RIMS1: variants seen among roughly 807,000 people sequenced by gnomAD.
RIMS1 encodes the protein regulating synaptic membrane exocytosis 1, also known as regulating synaptic membrane exocytosis protein 1.
RIMS1 carries 83 observed loss-of-function variants against 214.1 expected under a neutral mutation model. That is an observed-to-expected ratio of 0.39 (90% CI 0.32 to 0.47). RIMS1 has a LOEUF of 0.47. RIMS1 is among the 20% of genes least tolerant of loss of function. The pLI, the probability that RIMS1 is intolerant of heterozygous loss-of-function variation, is 0.99. For missense variants in RIMS1, 2,050 were observed against 2,161.8 expected (o/e 0.95, Z 1.03); for synonymous variants, 793 against 786.8 (o/e 1.01, Z -0.13).
At chr6:72,136,176 A>G (rs2041246098) in intron 4 of RIMS1, among the ~76,000 whole-genome samples, 1 of 152,212 alleles carries the variant, frequency 6.6e-6, no homozygotes, top group Non-Finnish European at 1.5e-5. Flanking sequence ...GGTTTAAGAA[A>G]AACAAATAGA....
chr6:72,354,419 A>G (rs955663580), intron 29 of RIMS1, among the ~76,000 whole-genome samples: 2 of 151,798 alleles, frequency 1.3e-5, no homozygotes, highest in African/African-American at 2.4e-5. Flanking sequence ...AAAGGTATAT[A>G]TATTTATGGG....
At chr6:72,262,601 G>A in intron 19 of RIMS1, 1 of 947,920 alleles carries the variant, frequency 1.1e-6, no homozygotes, top group Non-Finnish European at 1.3e-6. Flanking sequence ...GTGCATGTAT[G>A]TATATATAAT....
chr6:71,987,595 A>G (rs1800403831), intron 2 of RIMS1, among the ~76,000 whole-genome samples: 2 of 152,184 alleles, frequency 1.3e-5, no homozygotes, highest in South Asian at 4.1e-4. Context: ...CAAACACCAC[A>G]GATACCTAGG....
chr6:72,258,845 T>C (rs1186721116), intron 17 of RIMS1, 141 bp from the exon 18 acceptor site: 12 of 786,844 alleles, frequency 1.5e-5, no homozygotes, highest in South Asian at 1.3e-4. Flanking sequence ...CCTTAACTCA[T>C]TGATAAGTAG....
chr6:72,352,827 A>T (rs2097503749), intron 29 of RIMS1, among the ~76,000 whole-genome samples: 1 of 152,104 alleles, frequency 6.6e-6, no homozygotes, highest in Non-Finnish European at 1.5e-5. Context: ...GATGCTGGGG[A>T]TGGGACCCGA....
rs1407079789 is a variant in RIMS1 at position 72,182,702 on chromosome 6, A to G, written c.1231A>G (p.Lys411Glu). The change falls in exon 6 of 34, where the codon AAA becomes GAA. Residue 411 changes from lysine (K) to glutamate (E), a missense_variant. Physicochemically the swap from Lys to Glu is moderately conservative, Grantham distance 56 (BLOSUM62 1). Transcript: ENST00000521978. Reference protein sequence around the residue: ...GAALPEGKAGKRAPAAARASP... With the variant: ...GAALPEGKAGERAPAAARASP... ...GGCGCTGCCGGAGGGCAAGGCCGGC[A>G]AACGCGCGCCGGCGGCAGCCAGGGC... 5 of 1,508,956 alleles carry G rather than the reference A, an allele frequency of 3.3e-6. No homozygotes were observed. The highest frequency in any genetic ancestry group is 4.4e-6 in the Non-Finnish European group (5 of 1,134,008). The allele number at this position is 1,508,956 out of a possible 1,614,324, so 93.5% of individuals were successfully genotyped here. A position where few individuals can be genotyped will look rare whatever the true frequency, so the allele number is the denominator to read the frequency against.
chr6:72,046,277 A>G (rs1823008588), intron 2 of RIMS1, among the ~76,000 whole-genome samples: 1 of 151,906 alleles, frequency 6.6e-6, no homozygotes, highest in African/African-American at 2.4e-5. Flanking sequence ...CATATCCATC[A>G]TTGTGTGTGT....
At chr6:72,167,526 T>C (rs2046428528) in intron 4 of RIMS1, among the ~76,000 whole-genome samples, 1 of 152,172 alleles carries the variant, frequency 6.6e-6, no homozygotes, top group Non-Finnish European at 1.5e-5. Context: ...ATTCGCTCTT[T>C]AAATATGTTT....
chr6:72,269,249 C>T (rs1195050883), intron 22 of RIMS1, among the ~76,000 whole-genome samples: 1 of 152,108 alleles, frequency 6.6e-6, no homozygotes, highest in African/African-American at 2.4e-5. Flanking sequence ...CATTACCCAC[C>T]CTGTCACTTG....
At chr6:71,965,597 A>C (rs1469333282) in intron 1 of RIMS1, among the ~76,000 whole-genome samples, 1 of 152,012 alleles carries the variant, frequency 6.6e-6, no homozygotes. Flanking sequence ...CATTCATAAA[A>C]CCCAGCAGCG....
chr6:72,106,827 A>C (rs978047267), intron 4 of RIMS1, among the ~76,000 whole-genome samples: 2 of 152,174 alleles, frequency 1.3e-5, no homozygotes, highest in Admixed American at 1.3e-4. Flanking sequence ...GAGATGCTTA[A>C]ATTGTTATTA....
chr6:72,216,095 G>A (rs1156336251), intron 6 of RIMS1, among the ~76,000 whole-genome samples: 2 of 151,834 alleles, frequency 1.3e-5, no homozygotes, highest in African/African-American at 4.8e-5. Context: ...GCTGTTTCTG[G>A]GATCTGAATG....
At chr6:72,380,293 T>C (rs1389303772) in intron 29 of RIMS1, among the ~76,000 whole-genome samples, 1 of 152,128 alleles carries the variant, frequency 6.6e-6, no homozygotes, top group Non-Finnish European at 1.5e-5. Context: ...GAATACCTAA[T>C]GTAAATGATG....
chr6:71,984,336 A>G (rs1190351459), intron 2 of RIMS1, among the ~76,000 whole-genome samples: 1 of 151,924 alleles, frequency 6.6e-6, no homozygotes, highest in Non-Finnish European at 1.5e-5. Flanking sequence ...TGTTAAGAGG[A>G]TGATCTTTGA....
At chr6:72,376,738 C>A (rs1394284923) in intron 29 of RIMS1, among the ~76,000 whole-genome samples, 3 of 143,752 alleles carry the variant, frequency 2.1e-5, no homozygotes, top group Non-Finnish European at 4.6e-5. Context: ...CAGAGAGAGA[C>A]TCTGTCTCAA....
intron 4 of RIMS1, among the ~76,000 whole-genome samples, chr6:72,111,793 T>A (rs2036145825): frequency 6.6e-6 from 1 of 152,112 alleles, no homozygotes; most frequent in African/African-American, 2.4e-5. Flanking sequence ...ACTCTAGCAT[T>A]CCTAGTCTGC....
At chr6:72,117,898 C>T (rs2037399220) in intron 4 of RIMS1, among the ~76,000 whole-genome samples, 1 of 151,644 alleles carries the variant, frequency 6.6e-6, no homozygotes, top group Non-Finnish European at 1.5e-5. Context: ...TCAACCCAAA[C>T]CTAACAGAAG....
intron 23 of RIMS1, 150 bp from the exon 24 acceptor site, chr6:72,283,897 T>G (rs529145480): frequency 1.7e-6 from 1 of 579,892 alleles, no homozygotes; most frequent in Admixed American, 2.8e-5. Context: ...TTCATTCATT[T>G]ATTTGTTTAT....
chr6:72,121,835 C>T (rs926176706), intron 4 of RIMS1, among the ~76,000 whole-genome samples: 2 of 151,810 alleles, frequency 1.3e-5, no homozygotes, highest in African/African-American at 4.8e-5. Flanking sequence ...CTATCAATAC[C>T]TAGTTTATTG....
Sources: allele counts gnomAD v4.1 joint callset (sites outside exome capture counted in the v4.1 genomes callset), GRCh38; gene constraint gnomAD v4.1.1; transcripts MANE v1.5; gene names NCBI Gene and HGNC (gene_info 2026-07-23, HGNC 2026-07-21).